FAM227B: variants seen among roughly 807,000 people sequenced by gnomAD.
FAM227B encodes the protein family with sequence similarity 227 member B.
FAM227B carries 88 observed loss-of-function variants against 73.8 expected under a neutral mutation model. The ratio of observed to expected loss-of-function variants is 1.19; its 90% confidence interval spans 1.00 to 1.42. FAM227B has a LOEUF of 1.42. Among genes scored for constraint, FAM227B ranks in the 40% most tolerant of loss-of-function variants. The probability of loss-of-function intolerance (pLI) is 0.00; values close to 1 mark genes in which losing one functional copy is unlikely to be tolerated. For synonymous variants in FAM227B, 210 were observed against 190.5 expected (o/e 1.10, Z -0.84); for missense variants, 632 against 590.9 (o/e 1.07, Z -0.72).
chr15:49,473,101 T>C (rs2054928997), intron 11 of FAM227B, among the ~76,000 whole-genome samples: 1 of 152,174 alleles, frequency 6.6e-6, no homozygotes, highest in Non-Finnish European at 1.5e-5. Flanking sequence ...TTCAACTGAA[T>C]ATTTTTTAAA....
At chr15:49,489,111 A>C (rs2056658006) in intron 11 of FAM227B, 1 of 258,468 alleles carries the variant, frequency 3.9e-6, no homozygotes, top group African/African-American at 2.3e-5. Flanking sequence ...CTAGTTTCAA[A>C]AGCGATGTTA....
chr15:49,530,828 A>G (rs535770603), intron 10 of FAM227B, among the ~76,000 whole-genome samples: 27 of 151,196 alleles, frequency 1.8e-4, no homozygotes, highest in African/African-American at 6.3e-4. Flanking sequence ...TTATTAATTA[A>G]AAGTGCAACA....
At chr15:49,429,417 A>G (rs941051822) in intron 11 of FAM227B, among the ~76,000 whole-genome samples, 3 of 151,986 alleles carry the variant, frequency 2.0e-5, no homozygotes, top group Non-Finnish European at 4.4e-5. Context: ...TGAAGTGCTA[A>G]TAAGTTCATT....
At chr15:49,542,949 A>G (rs2071293633) in intron 9 of FAM227B, among the ~76,000 whole-genome samples, 1 of 151,908 alleles carries the variant, frequency 6.6e-6, no homozygotes, top group African/African-American at 2.4e-5. Context: ...TGCAATTGCA[A>G]ATTGTGCTGC....
intron 8 of FAM227B, among the ~76,000 whole-genome samples, chr15:49,573,685 T>C (rs1283114279): frequency 1.3e-5 from 2 of 152,194 alleles, no homozygotes; most frequent in African/African-American, 4.8e-5. Flanking sequence ...CCCAGCCTAC[T>C]GTGAGCCAAT....
intron 14 of FAM227B, among the ~76,000 whole-genome samples, chr15:49,334,873 A>C (rs1019012834): frequency 6.6e-6 from 1 of 152,200 alleles, no homozygotes; most frequent in Non-Finnish European, 1.5e-5. Flanking sequence ...TCTTGTAAAA[A>C]TTGATGGATA....
At chr15:49,587,305 GAAC>G (rs1398216021) in intron 5 of FAM227B, among the ~76,000 whole-genome samples, 2 of 152,064 alleles carry the variant, frequency 1.3e-5, no homozygotes, top group East Asian at 3.8e-4. Context: ...TCATAGAGGA[GAAC>G]AACAGACACT....
At chr15:49,341,969 G>A (rs1432885111) in intron 13 of FAM227B, among the ~76,000 whole-genome samples, 1 of 152,148 alleles carries the variant, frequency 6.6e-6, no homozygotes, top group Non-Finnish European at 1.5e-5. Context: ...TAATATTAGA[G>A]CATGTTCTGT....
At chr15:49,396,890 A>G (rs902774948) in intron 11 of FAM227B, among the ~76,000 whole-genome samples, 1 of 152,150 alleles carries the variant, frequency 6.6e-6, no homozygotes, top group Non-Finnish European at 1.5e-5. Flanking sequence ...AACCACAAAG[A>G]TGGGGAAAAA....
intron 11 of FAM227B, among the ~76,000 whole-genome samples, chr15:49,489,858 T>TATATATA (rs1177680830): frequency 1.4e-4 from 1 of 7,348 alleles, no homozygotes; most frequent in East Asian, 4.9e-3. Flanking sequence ...TATATATATA[T>TATATATA]TTTATATATA....
chr15:49,516,000 C>T (rs1355028682), intron 10 of FAM227B, among the ~76,000 whole-genome samples: 1 of 151,988 alleles, frequency 6.6e-6, no homozygotes, highest in African/African-American at 2.4e-5. Context: ...TGTAGCACAC[C>T]TCTAATATTT....
chr15:49,462,117 T>C (rs2053852967), intron 11 of FAM227B, among the ~76,000 whole-genome samples: 1 of 151,064 alleles, frequency 6.6e-6, no homozygotes, highest in Non-Finnish European at 1.5e-5. Flanking sequence ...AGACTCCATC[T>C]CAAAAAAAAA....
At chr15:49,414,083 G>T (rs1394375132) in intron 11 of FAM227B, among the ~76,000 whole-genome samples, 2 of 151,650 alleles carry the variant, frequency 1.3e-5, no homozygotes, top group East Asian at 3.9e-4. Flanking sequence ...TCTAAGTCAG[G>T]GACCTTGCTT....
chr15:49,465,534 A>G lies in FAM227B; in HGVS notation c.1012+42677T>C, dbSNP rs952020366. 2.0e-5 allele frequency among the ~76,000 whole-genome samples: 3 copies of G among 152,116 alleles called. No individual in the cohort carries two copies. The East Asian group carries it at 5.8e-4, about 29-fold the overall frequency. ...ACATATGTAAGTTGTTACCCATAATATGAGTGTTGCATGTTGAAAATATAA... is the reference window on the plus strand; with the variant it reads ...ACATATGTAAGTTGTTACCCATAATGTGAGTGTTGCATGTTGAAAATATAA... On this transcript the variant is annotated intron_variant, in intron 11 of 15. Transcript: ENST00000299338.
At chr15:49,518,030 C>T (rs1341449819) in intron 10 of FAM227B, among the ~76,000 whole-genome samples, 1 of 152,174 alleles carries the variant, frequency 6.6e-6, no homozygotes, top group Non-Finnish European at 1.5e-5. Flanking sequence ...ACGTAAACTT[C>T]ATATTACTGA....
intron 10 of FAM227B, among the ~76,000 whole-genome samples, chr15:49,517,962 T>C (rs1310426980): frequency 6.6e-6 from 1 of 152,232 alleles, no homozygotes; most frequent in Non-Finnish European, 1.5e-5. Flanking sequence ...TGTATATAGA[T>C]ATAATTTGTT....
chr15:49,424,625 T>C (rs1597100979), intron 11 of FAM227B: 2 of 1,418,634 alleles, frequency 1.4e-6, no homozygotes, highest in Non-Finnish European at 9.5e-7. Context: ...TAGCAATCTG[T>C]TAATGGATCA....
intron 13 of FAM227B, among the ~76,000 whole-genome samples, chr15:49,354,930 C>A (rs551595792): frequency 1.9e-3 from 294 of 152,080 alleles, no homozygotes; most frequent in Non-Finnish European, 2.9e-3. Context: ...GGGTCCCTGA[C>A]CCCTGACCCT....
intron 3 of FAM227B, among the ~76,000 whole-genome samples, chr15:49,591,889 CCAT>C (rs1330828548): frequency 6.6e-6 from 1 of 152,150 alleles, no homozygotes. Context: ...CACACACACA[CCAT>C]ATTTTCTTTT....
Sources: gnomAD v4.1 joint callset for allele counts (sites outside exome capture counted in the v4.1 genomes callset) on GRCh38, gnomAD v4.1.1 for gene constraint, MANE v1.5 for transcripts, NCBI Gene and HGNC (gene_info 2026-07-23, HGNC 2026-07-21) for gene names.